SUSD5: variants seen among roughly 807,000 people sequenced by gnomAD.
SUSD5 encodes sushi domain containing 5, also known as sushi domain-containing protein 5.
In SUSD5, 33 loss-of-function variants were observed where a neutral mutation model predicts 29.5. That is an observed-to-expected ratio of 1.12 (90% CI 0.85 to 1.49). SUSD5 has a LOEUF of 1.49. SUSD5 is among the 40% of genes most tolerant of loss of function. The pLI is 0.00. For missense variants in SUSD5, 776 were observed against 800.6 expected (o/e 0.97, Z 0.37); for synonymous variants, 308 against 325.3 (o/e 0.95, Z 0.57).
chr3:33,202,353 T>A (rs1174714127), intron 3 of SUSD5, among the ~76,000 whole-genome samples: 2 of 152,138 alleles, frequency 1.3e-5, no homozygotes, highest in Non-Finnish European at 2.9e-5. Context: ...CCCTGGAAAT[T>A]AGCTACTCTC....
chr3:33,204,895 T>A lies in SUSD5; in HGVS notation c.409+2913A>T, dbSNP rs1029513405. 6.6e-6 allele frequency among the ~76,000 whole-genome samples: 1 copy of A among 152,186 alleles called. No homozygotes were observed. Among genetic ancestry groups the A allele is most frequent in the African/African-American group, 2.4e-5 (1 of 41,452 alleles). ...TTATAAAAGCAAGGAACCCACCTTT[T>A]ATGCAGGTTCACCAATGTGTTTTCA... On this transcript the variant is annotated intron_variant, in intron 3 of 4. Transcript: ENST00000309558. This position sits in a 1 kb window ranked among gnomAD's most constrained non-coding sequence, Gnocchi z 4.5.
At chr3:33,196,513 G>A (rs1010067718) in intron 3 of SUSD5, among the ~76,000 whole-genome samples, 5 of 152,138 alleles carry the variant, frequency 3.3e-5, no homozygotes, top group African/African-American at 9.7e-5. Context: ...CAACAGCTGC[G>A]TCTCTGGATC....
chr3:33,183,930 C>CTTTTTTTTTTTTTTTT lies in SUSD5; in HGVS notation c.410-8872_410-8857dup, dbSNP rs68055129. Among the ~76,000 whole-genome samples the CTTTTTTTTTTTTTTTT allele has an allele frequency of 5.0e-4, 31 of 62,606 alleles. 2 individuals are homozygous for CTTTTTTTTTTTTTTTT. Among genetic ancestry groups the CTTTTTTTTTTTTTTTT allele is most frequent in the African/African-American group, 7.5e-4 (10 of 13,316 alleles). 41.1% of individuals were successfully genotyped at this position (62,606 alleles called of 152,430 possible). On this transcript the variant is annotated intron_variant, in intron 3 of 4. Coordinates refer to ENST00000309558, the MANE Select transcript of SUSD5 (RefSeq NM_015551.2). ...AACACTTTAAATATTTTATTACCCT[C>CTTTTTTTTTTTTTTTT]TTTTTTTTTTTTTTTTTTTTTTTTT...
chr3:33,214,146 C>A, intron 1 of SUSD5, 41 bp from the exon 2 acceptor site: 1 of 1,538,980 alleles, frequency 6.5e-7, no homozygotes, highest in Non-Finnish European at 8.8e-7. Flanking sequence ...ATTTCAGGAT[C>A]CATGGGAAGT....
At chr3:33,168,608 A>G in intron 4 of SUSD5, 1 of 984,938 alleles carries the variant, frequency 1.0e-6, no homozygotes, top group Non-Finnish European at 1.2e-6. Context: ...GGCAGCACAT[A>G]GCATGATGCA....
chr3:33,216,640 A>G (rs569776823), intron 1 of SUSD5, among the ~76,000 whole-genome samples: 3 of 152,320 alleles, frequency 2.0e-5, no homozygotes, highest in East Asian at 1.9e-4. Flanking sequence ...GCCCACGCAC[A>G]TGATTTCAAA....
In SUSD5 at chr3:33,150,324, TAATA is replaced by T. The variant is rs1195035967; in HGVS notation, c.*2414_*2417del. ...AACATTTACCTGTATTAATAATTTG[TAATA>T]AATTTATTAATACACTGTATTAATA... is the stretch of plus-strand genomic sequence containing the variant. On this transcript the variant is annotated 3_prime_UTR_variant, in exon 5 of 5. Transcript: ENST00000309558. The T allele has an allele frequency of 2.0e-5, 3 of 152,144 alleles. No individual in the cohort carries two copies. The highest frequency in any genetic ancestry group is 2.0e-4 in the Admixed American group (3 of 15,278). The allele number at this position is 152,144 out of a possible 1,614,324, so 9.4% of individuals were successfully genotyped here.
rs567050061 is a variant in SUSD5 at position 33,213,723 on chromosome 3, T to A, written c.290+205A>T. Among the ~76,000 whole-genome samples, 14 of 151,468 alleles carry A rather than the reference T, an allele frequency of 9.2e-5. No homozygotes were observed. The South Asian group carries it at 2.1e-3, about 22-fold the overall frequency. ...TGGGAGGTGGAGGTTGCAGTGAGCC[T>A]AGATTGCACCACTGCACTCCAACCT... is the stretch of plus-strand genomic sequence containing the variant. On this transcript the variant is annotated intron_variant, in intron 2 of 4. Coordinates refer to ENST00000309558, the MANE Select transcript of SUSD5 (RefSeq NM_015551.2).
In SUSD5 at chr3:33,184,304, G is replaced by A. The variant is rs545057467; in HGVS notation, c.410-9230C>T. Reference sequence around the variant, plus strand: ...TTGCATATAATTCTTACTTTTGCTCGTCCATAGATAAGGTAGGGTTTTTTC... The same window carrying A: ...TTGCATATAATTCTTACTTTTGCTCATCCATAGATAAGGTAGGGTTTTTTC... On this transcript the variant is annotated intron_variant, in intron 3 of 4. Transcript: ENST00000309558. 9.9e-5 allele frequency among the ~76,000 whole-genome samples: 15 copies of A among 152,098 alleles called. No homozygotes were observed. The South Asian group carries it at 2.7e-3, about 27-fold the overall frequency.
intron 4 of SUSD5, among the ~76,000 whole-genome samples, chr3:33,173,821 C>A (rs746854392): frequency 3.3e-5 from 5 of 152,186 alleles, no homozygotes; most frequent in Non-Finnish European, 5.9e-5. Flanking sequence ...CAGGGTCTAG[C>A]ATGAGGTCCG....
intron 3 of SUSD5, among the ~76,000 whole-genome samples, chr3:33,186,955 T>C (rs4678746): frequency 0.72 from 109,518 of 151,974 alleles, 39,649 homozygotes; most frequent in East Asian, 0.83. Context: ...TTCAGATGCA[T>C]CCTCCGCAGG....
At chr3:33,154,160 G>T in intron 4 of SUSD5, 127 bp from the exon 5 acceptor site, 1 of 773,276 alleles carries the variant, frequency 1.3e-6, no homozygotes, top group Non-Finnish European at 2.0e-6. Context: ...ATTCACAGAT[G>T]ATATGACTGT....
In SUSD5 at chr3:33,161,500, C is replaced by T. The variant is rs368213033; in HGVS notation, c.599-7467G>A. Among the ~76,000 whole-genome samples, 51 of 152,056 alleles carry T rather than the reference C, an allele frequency of 3.4e-4. No homozygotes were observed. In the South Asian group the frequency reaches 3.7e-3, roughly 11 times the overall value. On this transcript the variant is annotated intron_variant, in intron 4 of 4. Coordinates refer to ENST00000309558, the MANE Select transcript of SUSD5 (RefSeq NM_015551.2). ...AAATAGGAAAGAGAGAAAACAAAAA[C>T]GACAGTAATTTTAAAACCAAATCTA...
intron 4 of SUSD5, among the ~76,000 whole-genome samples, chr3:33,171,654 T>A (rs992759080): frequency 2.0e-5 from 3 of 152,190 alleles, no homozygotes; most frequent in African/African-American, 7.2e-5. Context: ...GCCTTCTTCC[T>A]CCCTGCATCT....
At chr3:33,181,295 C>T (rs927752979) in intron 3 of SUSD5, among the ~76,000 whole-genome samples, 2 of 151,584 alleles carry the variant, frequency 1.3e-5, no homozygotes, top group Non-Finnish European at 2.9e-5. Context: ...ACCATGGCAA[C>T]GTCCAGTGCT....
At chr3:33,168,689 GC>G in intron 4 of SUSD5, 1 of 685,890 alleles carries the variant, frequency 1.5e-6, no homozygotes, top group Non-Finnish European at 1.8e-6. Flanking sequence ...TCACTCCGTT[GC>G]CCAGGCTGGA....
intron 3 of SUSD5, among the ~76,000 whole-genome samples, chr3:33,202,280 T>C (rs1189022004): frequency 2.6e-5 from 4 of 152,150 alleles, no homozygotes; most frequent in Admixed American, 1.3e-4. Context: ...GGTTCCAATC[T>C]GGTATCACAG....
At chr3:33,163,294 T>C (rs150087533) in intron 4 of SUSD5, among the ~76,000 whole-genome samples, 174 of 152,230 alleles carry the variant, frequency 1.1e-3, no homozygotes, top group African/African-American at 4.1e-3. Flanking sequence ...ATATAAAATG[T>C]TGGCAAACTG....
intron 3 of SUSD5, among the ~76,000 whole-genome samples, chr3:33,199,213 T>TAC (rs2032054504): frequency 9.9e-6 from 1 of 101,352 alleles, no homozygotes; most frequent in Non-Finnish European, 2.1e-5. Flanking sequence ...AGGGGAGAAT[T>TAC]TCACACACAC....
Sources: gnomAD v4.1 joint callset for allele counts (sites outside exome capture counted in the v4.1 genomes callset) on GRCh38, gnomAD v4.1.1 for gene constraint, Gnocchi (gnomAD v3.1) non-coding constraint, MANE v1.5 for transcripts, NCBI Gene and HGNC (gene_info 2026-07-23, HGNC 2026-07-21) for gene names.